The following PXK variants were observed in gnomAD, a reference collection of about 807,000 sequenced individuals.
PXK encodes the protein PX domain-containing protein kinase-like protein.
In PXK, 35 loss-of-function variants were observed where a neutral mutation model predicts 84.7. The observed-to-expected ratio is 0.41, with a 90% CI of 0.32 to 0.55. The LOEUF is 0.55. Ranked by LOEUF, PXK falls within the 20% of genes least tolerant of loss-of-function variation. The probability of loss-of-function intolerance (pLI) is 0.21; values close to 1 mark genes in which losing one functional copy is unlikely to be tolerated. For synonymous variants in PXK, 253 were observed against 260.8 expected (o/e 0.97, Z 0.29); for missense variants, 634 against 699.7 (o/e 0.91, Z 1.06).
At chr3:58,396,484 G>A (rs2057698644) in intron 9 of PXK, among the ~76,000 whole-genome samples, 1 of 152,176 alleles carries the variant, frequency 6.6e-6, no homozygotes, top group African/African-American at 2.4e-5. Context: ...CTATATCTAA[G>A]CATCTCTCTT....
rs1342476234 is a variant in PXK, at chr3:58,400,646, C to T, written c.1181+1269C>T. ...TAATAATGTGGGCCGGGCAGTGGCT[C>T]ATGCCTATAATCCCAGCACTTTGGG... On this transcript the variant is annotated intron_variant, in intron 12 of 17. Coordinates refer to ENST00000356151, the MANE Select transcript of PXK (RefSeq NM_017771.5). This position sits in a 1 kb window ranked among gnomAD's most constrained non-coding sequence, Gnocchi z 4.0. Among the ~76,000 whole-genome samples the T allele has an allele frequency of 6.6e-6, 1 of 152,234 alleles. No individual in the cohort carries two copies. The highest frequency in any genetic ancestry group is 1.5e-5 in the Non-Finnish European group (1 of 68,046).
chr3:58,390,797 G>A lies in PXK; in HGVS notation c.466+138G>A, dbSNP rs2098622101. 7 of 741,804 alleles carry A rather than the reference G, an allele frequency of 9.4e-6. No homozygotes were observed. The highest frequency in any genetic ancestry group is 1.5e-5 in the Non-Finnish European group (7 of 465,858). The allele number at this position is 741,804 out of a possible 1,614,324, so 46.0% of individuals were successfully genotyped here. A position where few individuals can be genotyped will look rare whatever the true frequency, so the allele number is the denominator to read the frequency against. ...TTCTTTTTGCATATCAACTGCTTGA[G>A]GATACAGCTGGTAACTTTTAATACT... is the stretch of plus-strand genomic sequence containing the variant. On this transcript the variant is annotated intron_variant, in intron 5 of 17. Transcript: ENST00000356151. This position sits in a 1 kb window ranked among gnomAD's most constrained non-coding sequence, Gnocchi z 4.2.
In PXK at chr3:58,410,100, G is replaced by C. The variant is rs141886525; in HGVS notation, c.1406G>C (p.Arg469Pro). Residue 469 changes from arginine to proline, a missense_variant, in exon 16 of 18, where the codon CGA becomes CCA. Physicochemically the swap from Arg to Pro is moderately radical, Grantham distance 103. Transcript: ENST00000356151. The part of the protein sequence containing the change: ...RKILARKKSK[R>P]SALENSEEHS... ...CTTTTATTCTTAAAGAAGTCAAAACGATCTGCTCTTGAAAATAGTGAAGAG... is the reference window on the plus strand; with the variant it reads ...CTTTTATTCTTAAAGAAGTCAAAACCATCTGCTCTTGAAAATAGTGAAGAG... 1 of 1,594,080 alleles carries C rather than the reference G, an allele frequency of 6.3e-7. No homozygotes were observed. The highest frequency in any genetic ancestry group is 8.6e-7 in the Non-Finnish European group (1 of 1,162,088).
chr3:58,372,081 C>A (rs2098381193), intron 3 of PXK, among the ~76,000 whole-genome samples: 3 of 151,428 alleles, frequency 2.0e-5, no homozygotes, highest in Admixed American at 2.0e-4. Context: ...AGGAACATGT[C>A]TAAGTGAAAA....
chr3:58,399,485 A>G lies in PXK; in HGVS notation c.1181+108A>G. 8.6e-7 allele frequency: 1 copy of G among 1,167,474 alleles called. No individual in the cohort carries two copies. The highest frequency in any genetic ancestry group is 1.3e-6 in the Non-Finnish European group (1 of 799,058). The allele number at this position is 1,167,474 out of a possible 1,614,324, so 72.3% of individuals were successfully genotyped here. Reference sequence around the variant, plus strand: ...GTAAAGATTCTTGCGGTCCCTGCAGAGTTGGCGTGGCCTGCTTGCTGATGG... The same window carrying G: ...GTAAAGATTCTTGCGGTCCCTGCAGGGTTGGCGTGGCCTGCTTGCTGATGG... On this transcript the variant is annotated intron_variant, in intron 12 of 17. Transcript: ENST00000356151. The surrounding 1 kb of genome is among the most constrained non-coding windows in gnomAD (Gnocchi z 4.3).
chr3:58,408,667 C>G (rs902543484), intron 13 of PXK, among the ~76,000 whole-genome samples: 20 of 151,998 alleles, frequency 1.3e-4, no homozygotes, highest in African/African-American at 4.8e-4. Flanking sequence ...GGACTACAGG[C>G]GCCCACCACC....
intron 1 of PXK, among the ~76,000 whole-genome samples, chr3:58,339,238 G>GT (rs769454166): frequency 0.054 from 6,550 of 122,390 alleles, 495 homozygotes; most frequent in African/African-American, 0.18. Flanking sequence ...GTTTTTTTTT[G>GT]TTTTTTTTTT....
intron 3 of PXK, among the ~76,000 whole-genome samples, chr3:58,381,632 T>C (rs1266014019): frequency 4.6e-5 from 7 of 151,832 alleles, no homozygotes; most frequent in Non-Finnish European, 8.8e-5. Flanking sequence ...GTGAATATTA[T>C]TTACTTAAGG....
At chr3:58,392,351 C>T (rs1052594724) in intron 7 of PXK, among the ~76,000 whole-genome samples, 2 of 152,174 alleles carry the variant, frequency 1.3e-5, no homozygotes, top group Admixed American at 6.5e-5. Context: ...CAAAGAACCA[C>T]GTTGATATAT....
At chr3:58,360,087 G>A (rs1195717058) in intron 1 of PXK, among the ~76,000 whole-genome samples, 2 of 152,082 alleles carry the variant, frequency 1.3e-5, no homozygotes, top group Non-Finnish European at 2.9e-5. Flanking sequence ...GGTCGAGGCC[G>A]CATGCCATTG....
At chr3:58,347,717 T>G (rs1001396443) in intron 1 of PXK, among the ~76,000 whole-genome samples, 1 of 152,230 alleles carries the variant, frequency 6.6e-6, no homozygotes, top group Admixed American at 6.5e-5. Context: ...ATATATTTTT[T>G]CATTTCTCCT....
chr3:58,336,459 G>C (rs368633161), intron 1 of PXK, among the ~76,000 whole-genome samples: 15 of 152,116 alleles, frequency 9.9e-5, no homozygotes, highest in East Asian at 7.7e-4. Context: ...GCCCTCTGCT[G>C]CAAGGAAATG....
At chr3:58,396,955 T>C in intron 9 of PXK, 84 bp from the exon 10 acceptor site, 6 of 1,417,866 alleles carry the variant, frequency 4.2e-6, no homozygotes, top group Non-Finnish European at 5.8e-6. Context: ...TGTTTCAAAA[T>C]ATATTGACTA....
chr3:58,412,325 G>C lies in PXK; in HGVS notation c.1466-576G>C, dbSNP rs1464969826. ...ATCCAGAAAAAGCATGCAACAGGTG[G>C]GATTCACATTGTTTTAATGTGAATA... On this transcript the variant is annotated intron_variant, in intron 16 of 17. Coordinates refer to ENST00000356151, the MANE Select transcript of PXK (RefSeq NM_017771.5). The surrounding 1 kb of genome is among the most constrained non-coding windows in gnomAD (Gnocchi z 6.2). Among the ~76,000 whole-genome samples the C allele has an allele frequency of 6.6e-6, 1 of 151,816 alleles. No homozygotes were observed. Among genetic ancestry groups the C allele is most frequent in the Non-Finnish European group, 1.5e-5 (1 of 67,974 alleles).
At chr3:58,352,144 A>G (rs1378787923) in intron 1 of PXK, among the ~76,000 whole-genome samples, 1 of 152,146 alleles carries the variant, frequency 6.6e-6, no homozygotes, top group Non-Finnish European at 1.5e-5. Flanking sequence ...TGGCTGTGCT[A>G]TGGAGGAGGG....
In PXK at chr3:58,397,025, AT is replaced by A. The variant is rs1453831937; in HGVS notation, c.823-13del. 1 of 1,595,848 alleles carries A rather than the reference AT, an allele frequency of 6.3e-7. No individual in the cohort carries two copies. ...AGTTTGGGGAAAATGTAACTTTCCC[AT>A]ATGTTTTGATAGGTACTGAAGTTTC... On this transcript the variant is annotated splice_polypyrimidine_tract_variant and intron_variant, in intron 9 of 17. Coordinates refer to ENST00000356151, the MANE Select transcript of PXK (RefSeq NM_017771.5). This position sits in a 1 kb window ranked among gnomAD's most constrained non-coding sequence, Gnocchi z 4.7.
At chr3:58,417,726 T>G (rs1261303106) in intron 17 of PXK, among the ~76,000 whole-genome samples, 1 of 152,252 alleles carries the variant, frequency 6.6e-6, no homozygotes, top group African/African-American at 2.4e-5. Flanking sequence ...TTCATGGTAG[T>G]ATCACCAACT....
chr3:58,359,348 G>A (rs144511765), intron 1 of PXK, among the ~76,000 whole-genome samples: 2 of 151,944 alleles, frequency 1.3e-5, no homozygotes, highest in East Asian at 3.9e-4. Context: ...TGACCAACAT[G>A]GTGAAACCCC....
At chr3:58,415,107 C>T (rs2060765890) in intron 17 of PXK, among the ~76,000 whole-genome samples, 1 of 152,176 alleles carries the variant, frequency 6.6e-6, no homozygotes, top group Non-Finnish European at 1.5e-5. Context: ...TGTCACTCAA[C>T]ACAATAATAA....
Sources: allele counts gnomAD v4.1 joint callset (sites outside exome capture counted in the v4.1 genomes callset), GRCh38; gene constraint gnomAD v4.1.1; non-coding constraint Gnocchi (gnomAD v3.1); transcripts MANE v1.5; gene names NCBI Gene and HGNC (gene_info 2026-07-23, HGNC 2026-07-21).